Variants in NCOA2 observed in about 807,000 individuals in gnomAD.
NCOA2 encodes nuclear receptor coactivator 2, also known as class E basic helix-loop-helix protein 75.
NCOA2 carries 21 observed loss-of-function variants against 145.1 expected under a neutral mutation model. That is an observed-to-expected ratio of 0.14 (90% CI 0.10 to 0.21). NCOA2 has a LOEUF of 0.21. Ranked by LOEUF, NCOA2 falls within the 10% of genes least tolerant of loss-of-function variation. The pLI is 1.00. For missense variants in NCOA2, 1,472 were observed against 1,837.6 expected (o/e 0.80, Z 3.64); for synonymous variants, 619 against 637.5 (o/e 0.97, Z 0.44).
In NCOA2 at chr8:70,113,490, G is replaced by C; in HGVS notation, c.*142C>G. Reference sequence around the variant, plus strand: ...CACAGCCGAGTGGACGCCACCCTGGGAACCAGGGCCAGGCCTGTCTGCTCT... The same window carrying C: ...CACAGCCGAGTGGACGCCACCCTGGCAACCAGGGCCAGGCCTGTCTGCTCT... On this transcript the variant is annotated 3_prime_UTR_variant, in exon 23 of 23. Coordinates refer to ENST00000452400, the MANE Select transcript of NCOA2 (RefSeq NM_006540.4). The C allele has an allele frequency of 1.1e-6, 1 of 910,488 alleles. No homozygotes were observed. The highest frequency in any genetic ancestry group is 2.5e-5 in the Admixed American group (1 of 39,400). 56.4% of individuals were successfully genotyped at this position (910,488 alleles called of 1,614,324 possible).
chr8:70,196,377 AAAAAAT>A (rs991384416), intron 4 of NCOA2, among the ~76,000 whole-genome samples: 1 of 152,348 alleles, frequency 6.6e-6, no homozygotes, highest in East Asian at 1.9e-4. Flanking sequence ...CTGTGTCTCA[AAAAAAT>A]AAAAATAAAA....
chr8:70,394,581 A>G (rs1385834379), intron 1 of NCOA2, among the ~76,000 whole-genome samples: 1 of 152,278 alleles, frequency 6.6e-6, no homozygotes, highest in Non-Finnish European at 1.5e-5. Flanking sequence ...GTCTCAAAAT[A>G]GAATTACGGA....
intron 2 of NCOA2, among the ~76,000 whole-genome samples, chr8:70,236,989 G>C (rs1226562409): frequency 1.3e-5 from 2 of 152,020 alleles, no homozygotes; most frequent in African/African-American, 4.8e-5. Flanking sequence ...TAAGCTCTTT[G>C]AAAGACAGAA....
intron 1 of NCOA2, among the ~76,000 whole-genome samples, chr8:70,381,324 A>G (rs1005184032): frequency 6.6e-6 from 1 of 152,186 alleles, no homozygotes; most frequent in Admixed American, 6.5e-5. Flanking sequence ...GAATATTAAA[A>G]TGTAACTTCT....
At chr8:70,442,129 A>AAG in the NCOA2 span, among the ~76,000 whole-genome samples, 1 of 123,924 alleles carries the variant, frequency 8.1e-6, no homozygotes, top group African/African-American at 4.3e-5. Flanking sequence ...GAAAGAAAGA[A>AAG]AGAAAGAAAG....
Position 70,124,639 on chromosome 8 carries a change from C to A in NCOA2, c.4094+49G>T, listed in dbSNP as rs756280725. 9.8e-6 allele frequency: 15 copies of A among 1,530,224 alleles called. No homozygotes were observed. The African/African-American group carries it at 1.9e-4, about 20-fold the overall frequency. The allele number at this position is 1,530,224 out of a possible 1,614,324, so 94.8% of individuals were successfully genotyped here. A position where few individuals can be genotyped will look rare whatever the true frequency, so the allele number is the denominator to read the frequency against. On this transcript the variant is annotated intron_variant, in intron 20 of 22. Coordinates refer to ENST00000452400, the MANE Select transcript of NCOA2 (RefSeq NM_006540.4). ...TGCAGGCATGAAGGTGGGGGATGTC[C>A]TTCAGCTGTCACAGTGGCGGTATGA...
In NCOA2 at chr8:70,170,323, T is replaced by A; in HGVS notation, c.420A>T (p.Ser140=). 6.2e-7 allele frequency: 1 copy of A among 1,607,166 alleles called. No individual in the cohort carries two copies. The highest frequency in any genetic ancestry group is 8.5e-7 in the Non-Finnish European group (1 of 1,176,658). The change falls in exon 6 of 23, where the codon TCA becomes TCT. Residue 140 remains serine, a synonymous_variant. Coordinates refer to ENST00000452400, the MANE Select transcript of NCOA2 (RefSeq NM_006540.4). ...VNLEGNVVFV[S]ENVTQYLRYN... is the part of the protein sequence containing the mutation. ...ACCTTAGATACTGTGTCACATTCTC[T>A]GACACAAACACAACGTTGCCTTCCA... is the stretch of plus-strand genomic sequence containing the variant.
chr8:70,157,310 A>C (rs1360537225), intron 10 of NCOA2, 70 bp from the exon 11 acceptor site: 16 of 1,367,402 alleles, frequency 1.2e-5, no homozygotes, highest in African/African-American at 2.9e-5. Context: ...ATTAATTTTT[A>C]AAAATGATAT....
chr8:70,278,280 T>G (rs1265632464), intron 2 of NCOA2, among the ~76,000 whole-genome samples: 2 of 152,246 alleles, frequency 1.3e-5, no homozygotes, highest in Non-Finnish European at 2.9e-5. Context: ...CACTGAAGTA[T>G]ATAGCAAGTT....
intron 1 of NCOA2, among the ~76,000 whole-genome samples, chr8:70,317,435 C>T (rs996443716): frequency 6.6e-6 from 1 of 152,210 alleles, no homozygotes; most frequent in Non-Finnish European, 1.5e-5. Flanking sequence ...AAGCATTGCA[C>T]AACCCAACAC....
At chr8:70,358,526 C>T (rs1251709516) in intron 1 of NCOA2, among the ~76,000 whole-genome samples, 2 of 152,162 alleles carry the variant, frequency 1.3e-5, no homozygotes, top group Non-Finnish European at 2.9e-5. Context: ...GTCTATTCAA[C>T]ATGTGATGCT....
At chr8:70,281,991 AC>A (rs1254599765) in intron 2 of NCOA2, among the ~76,000 whole-genome samples, 5 of 152,278 alleles carry the variant, frequency 3.3e-5, no homozygotes, top group African/African-American at 1.2e-4. Flanking sequence ...TTTCTCTACA[AC>A]TTAAGATCTT....
intron 1 of NCOA2, among the ~76,000 whole-genome samples, chr8:70,311,106 A>C (rs1392162007): frequency 6.6e-6 from 1 of 152,196 alleles, no homozygotes; most frequent in Non-Finnish European, 1.5e-5. Context: ...GACTGATAAT[A>C]CATTTATTTC....
chr8:70,141,103 C>G, intron 14 of NCOA2, 81 bp downstream of exon 14: 2 of 1,352,000 alleles, frequency 1.5e-6, no homozygotes, highest in Non-Finnish European at 2.1e-6. Context: ...CCATAAGAAG[C>G]ATGTCTTGAA....
chr8:70,176,441 G>C (rs1397470788), intron 4 of NCOA2, among the ~76,000 whole-genome samples: 2 of 152,086 alleles, frequency 1.3e-5, no homozygotes, highest in Non-Finnish European at 2.9e-5. Context: ...CCTCACTGCT[G>C]GGTCCTGTAC....
chr8:70,394,040 A>G (rs1813440774), intron 1 of NCOA2, among the ~76,000 whole-genome samples: 1 of 152,248 alleles, frequency 6.6e-6, no homozygotes, highest in South Asian at 2.1e-4. Context: ...GCTTAAAATA[A>G]AAAGTAGCAC....
intron 1 of NCOA2, among the ~76,000 whole-genome samples, chr8:70,364,277 G>T (rs1444942395): frequency 6.6e-6 from 1 of 151,904 alleles, no homozygotes; most frequent in Non-Finnish European, 1.5e-5. Flanking sequence ...ATATCTGAAA[G>T]CAAAGCCACA....
chr8:70,273,332 C>A lies in NCOA2; in HGVS notation c.-20+23412G>T, dbSNP rs571589882. Reference sequence around the variant, plus strand: ...GGTTCCCCCGAGACCCCCTGAGCACCAACCCTAGTCCCCCGCGCAGCCCCT... The same window carrying A: ...GGTTCCCCCGAGACCCCCTGAGCACAAACCCTAGTCCCCCGCGCAGCCCCT... On this transcript the variant is annotated intron_variant, in intron 2 of 22. Transcript: ENST00000452400. 2.8e-4 allele frequency: 94 copies of A among 333,272 alleles called. 1 individual carries two copies. Among genetic ancestry groups the A allele is most frequent in the African/African-American group, 1.8e-3 (85 of 46,334 alleles). The allele number at this position is 333,272 out of a possible 1,614,324, so 20.6% of individuals were successfully genotyped here. A position where few individuals can be genotyped will look rare whatever the true frequency, so the allele number is the denominator to read the frequency against.
At chr8:70,302,566 G>A (rs1359545894) in intron 1 of NCOA2, among the ~76,000 whole-genome samples, 2 of 152,122 alleles carry the variant, frequency 1.3e-5, no homozygotes, top group African/African-American at 4.8e-5. Context: ...ATAACTTACA[G>A]GTAAACATTA....
Sources: gnomAD v4.1 joint callset for allele counts (sites outside exome capture counted in the v4.1 genomes callset) on GRCh38, gnomAD v4.1.1 for gene constraint, MANE v1.5 for transcripts, NCBI Gene and HGNC (gene_info 2026-07-23, HGNC 2026-07-21) for gene names.